Variants in KATNIP observed in about 807,000 individuals in gnomAD.
KATNIP encodes the protein katanin-interacting protein.
Under a neutral mutation model 174.0 loss-of-function variants are expected in KATNIP, and 126 were observed. The ratio of observed to expected loss-of-function variants is 0.72; its 90% CI spans 0.63 to 0.84. The LOEUF (loss-of-function observed/expected upper bound fraction) is 0.84. Ranked by LOEUF, KATNIP falls within the 40% of genes least tolerant of loss-of-function variation. The pLI is 0.00. For missense variants in KATNIP, 1,958 were observed against 2,109.7 expected, an observed-to-expected ratio of 0.93 and a Z score of 1.41; for synonymous variants, 810 against 835.7, an observed-to-expected ratio of 0.97 and a Z score of 0.53.
chr16:27,739,214 G>A (rs1455511616), intron 14 of KATNIP, among the ~76,000 whole-genome samples: 1 of 152,096 alleles, frequency 6.6e-6, no homozygotes, highest in African/African-American at 2.4e-5. Flanking sequence ...AGAGGCGAGG[G>A]ACAGCTGGCG....
At position 27,769,925 on chromosome 16, in the gene KATNIP, G is replaced by A. The variant is rs745349724; in HGVS notation, c.4040G>A (p.Arg1347Gln). 2.5e-6 allele frequency: 4 copies of A among 1,614,092 alleles called. No homozygotes were observed. Among genetic ancestry groups the A allele is most frequent in the East Asian group, 2.2e-5 (1 of 44,900 alleles). Residue 1347 changes from arginine to glutamine, a missense_variant, in exon 21 of 28, where the codon CGG becomes CAG. Physicochemically the swap from Arg to Gln is conservative, Grantham distance 43 (BLOSUM62 1). This residue lies in a region of KATNIP where 383 missense variants were observed against 456.0 expected (regional missense o/e 0.84). Transcript: ENST00000261588. ...CVSPPEGFLI[R>Q]KGPGNCHFDF... ...TCCCCGCCAGAGGGCTTTCTCATCC[G>A]GAAGGGGCCAGGCAACTGCCACTTT...
At chr16:27,622,230 G>C (rs1339386751) in intron 3 of KATNIP, among the ~76,000 whole-genome samples, 1 of 152,184 alleles carries the variant, frequency 6.6e-6, no homozygotes, top group Non-Finnish European at 1.5e-5. Context: ...GAACTCCCCA[G>C]TAGTGGCAGG....
chr16:27,659,651 T>C (rs1014747837), intron 6 of KATNIP, among the ~76,000 whole-genome samples: 1 of 152,182 alleles, frequency 6.6e-6, no homozygotes, highest in Non-Finnish European at 1.5e-5. Context: ...TTTTAAAATG[T>C]GGCTCAAACT....
At chr16:27,774,892 T>C in intron 23 of KATNIP, 53 bp from the exon 24 acceptor site, 1 of 1,610,322 alleles carries the variant, frequency 6.2e-7, no homozygotes, top group Non-Finnish European at 8.5e-7. Context: ...TGAGGGTGGC[T>C]GGCAGCCCCG....
intron 6 of KATNIP, among the ~76,000 whole-genome samples, chr16:27,663,615 A>ATT (rs1184734283): frequency 5.1e-5 from 7 of 138,118 alleles, no homozygotes; most frequent in African/African-American, 1.3e-4. Context: ...CACCCGGCTA[A>ATT]TTTTTTTTTT....
intron 13 of KATNIP, among the ~76,000 whole-genome samples, chr16:27,712,634 C>A (rs2079625696): frequency 6.6e-6 from 1 of 152,086 alleles, no homozygotes; most frequent in Admixed American, 6.5e-5. Flanking sequence ...ATGGAAACTC[C>A]ACCCTTCTGT....
rs187224376 is a variant in KATNIP at position 27,711,784 on chromosome 16, T to C, written c.1605+2864T>C. Reference sequence around the variant, plus strand: ...TGCTAGATAGCTAAGAAGCAACAACTGTCCCCAGGGTTGGACTGGGTGGGT... The same window carrying C: ...TGCTAGATAGCTAAGAAGCAACAACCGTCCCCAGGGTTGGACTGGGTGGGT... On this transcript the variant is annotated intron_variant, in intron 13 of 27. Transcript: ENST00000261588. 1.5e-4 allele frequency among the ~76,000 whole-genome samples: 23 copies of C among 152,322 alleles called. No individual in the cohort carries two copies. The East Asian group carries it at 4.4e-3, about 29-fold the overall frequency.
chr16:27,775,246 G>C (rs1330937039), intron 24 of KATNIP, among the ~76,000 whole-genome samples, 162 bp downstream of exon 24: 2 of 152,222 alleles, frequency 1.3e-5, no homozygotes, highest in Non-Finnish European at 2.9e-5. Context: ...TAACTTGCCT[G>C]ATGGGGTCAG....
intron 15 of KATNIP, among the ~76,000 whole-genome samples, chr16:27,746,439 A>G (rs887936283): frequency 4.6e-5 from 7 of 152,190 alleles, no homozygotes; most frequent in African/African-American, 1.7e-4. Context: ...TAAATGGCAG[A>G]TGAGAAGTGG....
At chr16:27,712,729 C>T (rs889050943) in intron 13 of KATNIP, among the ~76,000 whole-genome samples, 1 of 152,212 alleles carries the variant, frequency 6.6e-6, no homozygotes, top group Admixed American at 6.5e-5. Context: ...CTGCCTGCCC[C>T]TCTGAGTTAC....
At chr16:27,620,281 T>G (rs2076155247) in intron 3 of KATNIP, among the ~76,000 whole-genome samples, 1 of 152,146 alleles carries the variant, frequency 6.6e-6, no homozygotes, top group African/African-American at 2.4e-5. Flanking sequence ...CAGTGGAGAC[T>G]TGTGAAGAAT....
rs529309077 is a variant in KATNIP at position 27,780,303 on chromosome 16, T to G, written c.*1674T>G. ...GAGGGGAAAAAAAGGCTGTACAAGCTTTAACTCTAAAATAAATTTCTATTT... is the reference window on the plus strand; with the variant it reads ...GAGGGGAAAAAAAGGCTGTACAAGCGTTAACTCTAAAATAAATTTCTATTT... On this transcript the variant is annotated 3_prime_UTR_variant, in exon 28 of 28. Transcript: ENST00000261588. The G allele has an allele frequency of 2.6e-5, 4 of 152,222 alleles. No homozygotes were observed. Among genetic ancestry groups the G allele is most frequent in the Non-Finnish European group, 4.4e-5 (3 of 68,046 alleles). 9.4% of individuals were successfully genotyped at this position (152,222 alleles called of 1,614,324 possible).
intron 3 of KATNIP, among the ~76,000 whole-genome samples, chr16:27,625,699 A>G (rs1277532368): frequency 1.3e-5 from 2 of 152,188 alleles, no homozygotes; most frequent in Admixed American, 6.5e-5. Context: ...TAAACAAAGA[A>G]ATCACCCACA....
chr16:27,628,022 T>G (rs1238524387), intron 3 of KATNIP, among the ~76,000 whole-genome samples: 1 of 152,218 alleles, frequency 6.6e-6, no homozygotes, highest in African/African-American at 2.4e-5. Context: ...CCAAAAGATG[T>G]GATAATCCTA....
At chr16:27,772,579 C>T (rs77583762) in intron 22 of KATNIP, among the ~76,000 whole-genome samples, 3 of 152,244 alleles carry the variant, frequency 2.0e-5, no homozygotes, top group Non-Finnish European at 4.4e-5. Context: ...TGCCCCGGCC[C>T]ATGGCCCCTG....
intron 14 of KATNIP, among the ~76,000 whole-genome samples, chr16:27,733,504 G>A (rs2143331959): frequency 6.9e-6 from 1 of 145,814 alleles, no homozygotes; most frequent in South Asian, 2.3e-4. Context: ...TGAACAAAAG[G>A]CATAAAAATA....
intron 23 of KATNIP, among the ~76,000 whole-genome samples, chr16:27,774,289 A>C (rs2082414002): frequency 6.6e-6 from 1 of 152,128 alleles, no homozygotes; most frequent in African/African-American, 2.4e-5. Flanking sequence ...CGACTCCTCG[A>C]AGCTATAAAG....
intron 8 of KATNIP, among the ~76,000 whole-genome samples, chr16:27,693,462 T>TA (rs1406257611): frequency 6.6e-6 from 1 of 152,120 alleles, no homozygotes; most frequent in Non-Finnish European, 1.5e-5. Flanking sequence ...GATCTCGACT[T>TA]ACTGCAACTT....
intron 16 of KATNIP, 38 bp from the exon 17 acceptor site, chr16:27,751,681 A>C: frequency 6.3e-7 from 1 of 1,597,026 alleles, no homozygotes; most frequent in East Asian, 2.2e-5. Context: ...TGGGATGTGA[A>C]GTGAGTTGAC....
Sources: allele counts gnomAD v4.1 joint callset (sites outside exome capture counted in the v4.1 genomes callset), GRCh38; gene constraint gnomAD v4.1.1; regional missense constraint gnomAD v4.1.1; transcripts MANE v1.5; gene names NCBI Gene and HGNC (gene_info 2026-07-23, HGNC 2026-07-21).